The following PHIP variants were observed in gnomAD, a reference collection of about 807,000 sequenced individuals.
The protein encoded by PHIP is PHIP subunit of CUL4-Ring ligase complex.
PHIP carries 54 observed loss-of-function variants against 236.8 expected under a neutral mutation model. The observed-to-expected ratio is 0.23, with a 90% CI of 0.18 to 0.29. The LOEUF (loss-of-function observed/expected upper bound fraction) is 0.29. Among genes scored for constraint, PHIP ranks in the 10% least tolerant of loss-of-function variants. The pLI is 1.00. For synonymous variants in PHIP, 756 were observed against 718.9 expected (o/e 1.05, Z -0.83); for missense variants, 1,370 against 2,190.8 (o/e 0.63, Z 7.48).
chr6:78,958,556 T>C lies in PHIP; in HGVS notation c.3701A>G (p.Asn1234Ser). The C allele has an allele frequency of 6.3e-7, 1 of 1,582,900 alleles. No homozygotes were observed. The highest frequency in any genetic ancestry group is 8.7e-7 in the Non-Finnish European group (1 of 1,152,280). The change falls in exon 32 of 40, where the codon AAT becomes AGT. Residue 1234 changes from asparagine to serine, a missense_variant. This residue lies in a region of PHIP where 238 missense variants were observed against 398.5 expected (regional missense o/e 0.60). Coordinates refer to ENST00000275034, the MANE Select transcript of PHIP (RefSeq NM_017934.7). ...LMWEVRYIEH[N>S]TRTFNEPGSP... is the part of the protein sequence containing the mutation. ...TCCAGGCTCATTAAATGTTCGTGTA[T>C]TATGCTCTATATATCGAACTTCCCA...
At chr6:78,951,003 T>C (rs1360161587) in intron 35 of PHIP, among the ~76,000 whole-genome samples, 1 of 152,166 alleles carries the variant, frequency 6.6e-6, no homozygotes, top group Admixed American at 6.5e-5. Context: ...TTTCCCTGCA[T>C]TGCTTTAACT....
chr6:79,073,412 T>C (rs766778394), intron 4 of PHIP, among the ~76,000 whole-genome samples: 7 of 152,184 alleles, frequency 4.6e-5, no homozygotes, highest in Non-Finnish European at 1.0e-4. Flanking sequence ...ATTGATACTC[T>C]ACTAAAAAAG....
intron 20 of PHIP, among the ~76,000 whole-genome samples, 196 bp from the exon 21 acceptor site, chr6:78,988,545 A>G (rs942315765): frequency 1.3e-5 from 2 of 152,168 alleles, no homozygotes; most frequent in African/African-American, 4.8e-5. Flanking sequence ...ACTGCACTAC[A>G]GCCTGGGTGA....
chr6:79,053,261 C>G (rs1025388125), intron 6 of PHIP, among the ~76,000 whole-genome samples: 10 of 152,102 alleles, frequency 6.6e-5, no homozygotes, highest in Non-Finnish European at 1.2e-4. Context: ...TTGGAGTGAG[C>G]CGACATTGCG....
At chr6:79,037,505 T>C (rs1191194838) in intron 7 of PHIP, among the ~76,000 whole-genome samples, 1 of 152,202 alleles carries the variant, frequency 6.6e-6, no homozygotes, top group Non-Finnish European at 1.5e-5. Context: ...TTAGTATCTT[T>C]GGGGGACATA....
chr6:79,067,465 AT>A (rs953080699), intron 4 of PHIP, among the ~76,000 whole-genome samples: 1 of 152,170 alleles, frequency 6.6e-6, no homozygotes, highest in African/African-American at 2.4e-5. Flanking sequence ...TTTTTTTAAA[AT>A]ATCATGTTAT....
intron 7 of PHIP, among the ~76,000 whole-genome samples, chr6:79,028,565 G>A (rs1290312483): frequency 6.6e-6 from 1 of 152,112 alleles, no homozygotes; most frequent in East Asian, 1.9e-4. Context: ...AAACACATTA[G>A]GGATTTGCTG....
chr6:79,078,208 G>A lies in PHIP; in HGVS notation c.-140C>T, dbSNP rs1162064963. On this transcript the variant is annotated 5_prime_UTR_variant, in exon 1 of 40. Coordinates refer to ENST00000275034, the MANE Select transcript of PHIP (RefSeq NM_017934.7). ...CTCCACCATTCAAGCAACGGCGGCG[G>A]AGGCGGAGGAGGAGGAGGAGGAAAC... is the stretch of plus-strand genomic sequence containing the variant. 2.7e-6 allele frequency: 2 copies of A among 749,940 alleles called. No homozygotes were observed. Among genetic ancestry groups the A allele is most frequent in the Admixed American group, 5.5e-5 (2 of 36,046 alleles). 46.5% of individuals were successfully genotyped at this position (749,940 alleles called of 1,614,324 possible). A position where few individuals can be genotyped will look rare whatever the true frequency, so the allele number is the denominator to read the frequency against.
chr6:79,041,759 A>T (rs1177316709), intron 7 of PHIP, among the ~76,000 whole-genome samples: 2 of 152,052 alleles, frequency 1.3e-5, no homozygotes, highest in African/African-American at 4.8e-5. Flanking sequence ...GATACAAGAG[A>T]ACGTAAAAAG....
intron 10 of PHIP, 95 bp downstream of exon 10, chr6:79,018,994 T>C (rs1161192321): frequency 2.5e-6 from 2 of 791,156 alleles, no homozygotes; most frequent in Middle Eastern, 2.4e-4. Context: ...TGATTGATAA[T>C]ACAACAGTAA....
Position 78,998,023 on chromosome 6 carries a change from T to C in PHIP, c.2017+231A>G, listed in dbSNP as rs72902885. ...CTTTGACTATTCTACATGTTTACTA[T>C]AGAAAATGTGGAAGACATACACATT... On this transcript the variant is annotated intron_variant, in intron 18 of 39. Coordinates refer to ENST00000275034, the MANE Select transcript of PHIP (RefSeq NM_017934.7). 0.057 allele frequency among the ~76,000 whole-genome samples: 8,699 copies of C among 152,270 alleles called. 375 individuals carry two copies. Among genetic ancestry groups the C allele is most frequent in the Non-Finnish European group, 0.09 (6,100 of 68,006 alleles).
chr6:79,003,276 G>A (rs2127732721), intron 16 of PHIP, among the ~76,000 whole-genome samples: 1 of 151,964 alleles, frequency 6.6e-6, no homozygotes, highest in Middle Eastern at 3.4e-3. Context: ...AAACTGGACA[G>A]GATCTTTAAT....
intron 7 of PHIP, among the ~76,000 whole-genome samples, chr6:79,032,174 A>T (rs745954656): frequency 4.1e-4 from 62 of 152,218 alleles, no homozygotes; most frequent in Non-Finnish European, 3.8e-4. Flanking sequence ...AACTTCAGCA[A>T]GTAGTAATAT....
chr6:79,059,600 T>A (rs1217034394), intron 6 of PHIP, among the ~76,000 whole-genome samples: 1 of 91,288 alleles, frequency 1.1e-5, no homozygotes, highest in Non-Finnish European at 2.6e-5. Context: ...ATTATATATA[T>A]ATATATATAT....
chr6:78,965,438 T>C (rs561061928), intron 29 of PHIP, among the ~76,000 whole-genome samples: 14 of 152,226 alleles, frequency 9.2e-5, no homozygotes, highest in Non-Finnish European at 1.9e-4. Flanking sequence ...GCACACTTTC[T>C]TGGGTGAATA....
chr6:78,997,689 A>T (rs1198447122), intron 18 of PHIP, 92 bp from the exon 19 acceptor site: 2 of 992,980 alleles, frequency 2.0e-6, no homozygotes, highest in African/African-American at 3.3e-5. Flanking sequence ...TATCTTCCAT[A>T]AGAAACTTCA....
intron 12 of PHIP, among the ~76,000 whole-genome samples, chr6:79,017,016 T>C (rs1770861878): frequency 6.6e-6 from 1 of 151,962 alleles, no homozygotes; most frequent in African/African-American, 2.4e-5. Context: ...TTATACAATA[T>C]CATCAATAAA....
At chr6:78,973,676 G>C (rs992611239) in intron 24 of PHIP, among the ~76,000 whole-genome samples, 6 of 150,902 alleles carry the variant, frequency 4.0e-5, no homozygotes, top group African/African-American at 1.5e-4. Context: ...TAAAAGGATG[G>C]AGGAAGATGT....
intron 4 of PHIP, among the ~76,000 whole-genome samples, chr6:79,061,109 C>T (rs530716424): frequency 2.0e-5 from 3 of 152,142 alleles, no homozygotes; most frequent in East Asian, 1.9e-4. Flanking sequence ...ATAAAGCTAC[C>T]CACTATAAAA....
Sources: allele counts gnomAD v4.1 joint callset (sites outside exome capture counted in the v4.1 genomes callset), GRCh38; gene constraint gnomAD v4.1.1; regional missense constraint gnomAD v4.1.1; transcripts MANE v1.5; gene names NCBI Gene and HGNC (gene_info 2026-07-23, HGNC 2026-07-21).